Variants in CEP112 observed in about 807,000 individuals in gnomAD.
The protein encoded by CEP112 is centrosomal protein 112.
Under a neutral mutation model 153.0 loss-of-function variants are expected in CEP112, and 127 were observed. That is an observed-to-expected ratio of 0.83 (90% CI 0.72 to 0.96). The LOEUF (loss-of-function observed/expected upper bound fraction) is 0.96. Among genes scored for constraint, CEP112 ranks in the 40% least tolerant of loss-of-function variants. The pLI is 0.00. For synonymous variants in CEP112, 358 were observed against 374.4 expected, an observed-to-expected ratio of 0.96 and a Z score of 0.51; for missense variants, 1,089 against 1,101.2, an observed-to-expected ratio of 0.99 and a Z score of 0.16.
intron 24 of CEP112, among the ~76,000 whole-genome samples, chr17:65,650,984 TA>T (rs2045741941): frequency 6.6e-6 from 1 of 152,078 alleles, no homozygotes; most frequent in Admixed American, 6.6e-5. Context: ...GGTATTTGGT[TA>T]CATGGGTAAG....
At chr17:65,955,197 G>A (rs938799363) in intron 18 of CEP112, among the ~76,000 whole-genome samples, 12 of 152,120 alleles carry the variant, frequency 7.9e-5, no homozygotes, top group Non-Finnish European at 1.6e-4. Flanking sequence ...GGCAAGGAGT[G>A]GGGTCTTATT....
intron 16 of CEP112, among the ~76,000 whole-genome samples, chr17:66,012,931 T>C (rs889421345): frequency 3.9e-5 from 6 of 152,172 alleles, no homozygotes; most frequent in Non-Finnish European, 8.8e-5. Context: ...ACTTTTTTTT[T>C]TCTTTATTTT....
At chr17:66,179,869 C>A (rs1324974109) in intron 2 of CEP112, among the ~76,000 whole-genome samples, 2 of 151,940 alleles carry the variant, frequency 1.3e-5, no homozygotes, top group Admixed American at 1.3e-4. Context: ...TACTTTGATA[C>A]CCAGTTTTTT....
At chr17:65,940,787 T>C (rs1320533221) in intron 18 of CEP112, among the ~76,000 whole-genome samples, 1 of 152,140 alleles carries the variant, frequency 6.6e-6, no homozygotes, top group African/African-American at 2.4e-5. Context: ...AAGTTTCACT[T>C]AGACAAGAAG....
chr17:66,128,884 TA>T, intron 6 of CEP112, among the ~76,000 whole-genome samples: 1 of 152,262 alleles, frequency 6.6e-6, no homozygotes, highest in East Asian at 1.9e-4. Flanking sequence ...TTGAATCTTA[TA>T]AAAACACACA....
At chr17:65,924,600 C>A (rs1449817190) in intron 19 of CEP112, among the ~76,000 whole-genome samples, 1 of 152,172 alleles carries the variant, frequency 6.6e-6, no homozygotes, top group African/African-American at 2.4e-5. Flanking sequence ...GTCCTTGCCC[C>A]ATCCCACTCC....
chr17:65,986,175 A>G (rs1454195976), intron 17 of CEP112, among the ~76,000 whole-genome samples: 1 of 151,978 alleles, frequency 6.6e-6, no homozygotes, highest in African/African-American at 2.4e-5. Context: ...AGAAAGGGGG[A>G]AAAAAAATAA....
rs576463446 is a variant in CEP112 at position 65,914,428 on chromosome 17, A to T, written c.1981-12094T>A. Among the ~76,000 whole-genome samples the T allele has an allele frequency of 2.0e-5, 3 of 151,974 alleles. No homozygotes were observed. In the East Asian group the frequency reaches 5.8e-4, roughly 29 times the overall value. On this transcript the variant is annotated intron_variant, in intron 19 of 26. Coordinates refer to ENST00000535342, the MANE Select transcript of CEP112 (RefSeq NM_001199165.4). Reference sequence around the variant, plus strand: ...TTTTATTTTCCTTATCTTGCCTACCACAATGCTTCGTAAATTATTCATCAT... The same window carrying T: ...TTTTATTTTCCTTATCTTGCCTACCTCAATGCTTCGTAAATTATTCATCAT...
At chr17:66,015,213 T>C (rs984080690) in intron 16 of CEP112, among the ~76,000 whole-genome samples, 7 of 152,250 alleles carry the variant, frequency 4.6e-5, no homozygotes, top group Non-Finnish European at 1.0e-4. Flanking sequence ...TTCTTTTATA[T>C]AATCTTGAGA....
chr17:66,061,793 G>C (rs2066931915), intron 11 of CEP112, among the ~76,000 whole-genome samples: 1 of 152,126 alleles, frequency 6.6e-6, no homozygotes, highest in African/African-American at 2.4e-5. Context: ...GGAGGAGAGG[G>C]AGGAAAGGGG....
intron 19 of CEP112, among the ~76,000 whole-genome samples, chr17:65,906,471 T>C (rs897403089): frequency 6.6e-6 from 1 of 152,110 alleles, no homozygotes; most frequent in Non-Finnish European, 1.5e-5. Context: ...ACCATAAATG[T>C]ATTGTTATTT....
rs1447613287 is a variant in CEP112 at position 65,806,461 on chromosome 17, G to A, written c.2394+45343C>T. Among the ~76,000 whole-genome samples, 5 of 152,332 alleles carry A rather than the reference G, an allele frequency of 3.3e-5. No homozygotes were observed. In the South Asian group the frequency reaches 8.3e-4, roughly 25 times the overall value. Reference sequence around the variant, plus strand: ...TGTTAAGAAGTGGGAACCGTAAGAGGTGATTAGATCATGAGGGCTCTAATA... The same window carrying A: ...TGTTAAGAAGTGGGAACCGTAAGAGATGATTAGATCATGAGGGCTCTAATA... On this transcript the variant is annotated intron_variant, in intron 21 of 26. Coordinates refer to ENST00000535342, the MANE Select transcript of CEP112 (RefSeq NM_001199165.4).
chr17:66,045,850 A>G (rs1239530503), intron 12 of CEP112, among the ~76,000 whole-genome samples: 1 of 151,934 alleles, frequency 6.6e-6, no homozygotes, highest in Admixed American at 6.6e-5. Context: ...CTCTTTTAGT[A>G]GATCCACAAG....
chr17:65,806,397 G>A (rs1481940437), intron 21 of CEP112, among the ~76,000 whole-genome samples: 3 of 152,346 alleles, frequency 2.0e-5, no homozygotes, highest in Middle Eastern at 3.4e-3. Flanking sequence ...CGTGTCCCAC[G>A]ATATTCATGT....
intron 6 of CEP112, among the ~76,000 whole-genome samples, chr17:66,112,878 G>A (rs1383088052): frequency 1.3e-5 from 2 of 151,992 alleles, no homozygotes; most frequent in African/African-American, 2.4e-5. Flanking sequence ...CCCGAGAAGC[G>A]GAGGTTTCAG....
intron 24 of CEP112, among the ~76,000 whole-genome samples, chr17:65,661,356 AG>A (rs2046377643): frequency 1.3e-5 from 2 of 152,204 alleles, no homozygotes; most frequent in South Asian, 4.1e-4. Flanking sequence ...TCTATGTATT[AG>A]GCACCATAGT....
intron 23 of CEP112, among the ~76,000 whole-genome samples, chr17:65,739,286 T>C (rs2050983572): frequency 6.6e-6 from 1 of 152,248 alleles, no homozygotes; most frequent in Non-Finnish European, 1.5e-5. Flanking sequence ...GGCAGATAGA[T>C]GTTGCTCTAA....
At chr17:65,699,641 T>C (rs2048524909) in intron 23 of CEP112, among the ~76,000 whole-genome samples, 2 of 152,048 alleles carry the variant, frequency 1.3e-5, no homozygotes, top group South Asian at 4.2e-4. Context: ...TTTGAAGAGA[T>C]GGGGGTCTCA....
intron 17 of CEP112, among the ~76,000 whole-genome samples, chr17:65,969,431 C>T (rs983167621): frequency 6.6e-6 from 1 of 152,258 alleles, no homozygotes; most frequent in Non-Finnish European, 1.5e-5. Flanking sequence ...ATTACATGTA[C>T]ATTACATGCA....
Sources: gnomAD v4.1 joint callset for allele counts (sites outside exome capture counted in the v4.1 genomes callset) on GRCh38, gnomAD v4.1.1 for gene constraint, MANE v1.5 for transcripts, NCBI Gene and HGNC (gene_info 2026-07-23, HGNC 2026-07-21) for gene names.